Variants in ABCB9 observed in about 807,000 individuals in gnomAD.
ABCB9 encodes ABC-type oligopeptide transporter ABCB9.
In ABCB9, 36 loss-of-function variants were observed where a neutral mutation model predicts 62.0. That is an observed-to-expected ratio of 0.58 (90% confidence interval 0.45 to 0.77). The LOEUF (loss-of-function observed/expected upper bound fraction) is 0.77. Among genes scored for constraint, ABCB9 ranks in the 30% least tolerant of loss-of-function variants. The pLI, the probability that ABCB9 is intolerant of heterozygous loss-of-function variation, is 0.00. For synonymous variants in ABCB9, 435 were observed against 461.4 expected (o/e 0.94, Z 0.73); for missense variants, 943 against 1,054.7 (o/e 0.89, Z 1.47).
rs560930910 is a variant in ABCB9, at chr12:122,973,721, T to C, written c.-88+994A>G. 7.9e-4 allele frequency among the ~76,000 whole-genome samples: 96 copies of C among 122,004 alleles called. 2 individuals carry two copies. In the South Asian group the frequency reaches 0.022, roughly 28 times the overall value. The allele number at this position is 122,004 out of a possible 152,430, so 80.0% of individuals were successfully genotyped here. On this transcript the variant is annotated intron_variant, in intron 1 of 11. Transcript: ENST00000392439. The stretch of plus-strand genomic sequence containing the variant: ...CTAAAAACATAAAAAATTAGCCGGG[T>C]GTGGTGGCGGGCGCCTGTAGTCCCA...
upstream of ABCB9, among the ~76,000 whole-genome samples, chr12:122,967,569 G>C (rs1245842557): frequency 6.6e-6 from 1 of 152,182 alleles, no homozygotes; most frequent in African/African-American, 2.4e-5. Context: ...GCTCACTGCA[G>C]CCTCTGCTTC....
chr12:122,948,791 C>A lies in ABCB9; in HGVS notation c.886G>T (p.Val296Phe). 1 of 1,600,382 alleles carries A rather than the reference C, an allele frequency of 6.2e-7. No individual in the cohort carries two copies. Among genetic ancestry groups the A allele is most frequent in the Non-Finnish European group, 8.5e-7 (1 of 1,172,832 alleles). ...ATGTTCTGGGAGACCAGGTCGCTGA[C>A]CATGGTGGTGTCCGAGGTCAGGCGG... The part of the protein sequence containing the change: ...ISRLTSDTTM[V>F]SDLVSQNINV... Residue 296 changes from valine to phenylalanine, a missense_variant, in exon 5 of 12, where the codon GTC becomes TTC. Coordinates refer to ENST00000280560, the MANE Select transcript of ABCB9 (RefSeq NM_019625.4).
At chr12:122,928,785 T>C (rs1037134269), downstream of ABCB9, among the ~76,000 whole-genome samples, 8 of 151,938 alleles carry the variant, frequency 5.3e-5, no homozygotes, top group Admixed American at 5.3e-4. Flanking sequence ...CCCTGCGCAA[T>C]CCCCGTGGAG....
At chr12:122,943,746 C>T (rs762515562) in intron 7 of ABCB9, among the ~76,000 whole-genome samples, 1 of 150,916 alleles carries the variant, frequency 6.6e-6, no homozygotes, top group Admixed American at 6.6e-5. Context: ...TCTCCTGCCT[C>T]GGCCTCCTGA....
Position 122,940,800 on chromosome 12 carries a change from C to A in ABCB9, c.1569+7G>T. The A allele has an allele frequency of 6.4e-7, 1 of 1,573,636 alleles. No homozygotes were observed. The highest frequency in any genetic ancestry group is 8.7e-7 in the Non-Finnish European group (1 of 1,152,484). On this transcript the variant is annotated splice_region_variant and intron_variant, in intron 8 of 11. Transcript: ENST00000280560. This position sits in a 1 kb window ranked among gnomAD's most constrained non-coding sequence, Gnocchi z 4.8. ...TGATTCTGGCAGGCCTCAAGCCGCG[C>A]CCTCACCTGCAGGACCTGGGTGTGG...
chr12:122,959,733 T>C lies in ABCB9; in HGVS notation c.503A>G (p.Gln168Arg), dbSNP rs1271782356. 2 of 1,611,334 alleles carry C rather than the reference T, an allele frequency of 1.2e-6. No individual in the cohort carries two copies. The highest frequency in any genetic ancestry group is 3.3e-5 in the Admixed American group (2 of 59,926). ...FPGSGRPPPE[Q>R]ASGATLQKLL... Reference sequence around the variant, plus strand: ...CTTCTGCAGCGTGGCCCCAGACGCCTGCTCGGGCGGTGGCCGGCCGCTCCC... The same window carrying C: ...CTTCTGCAGCGTGGCCCCAGACGCCCGCTCGGGCGGTGGCCGGCCGCTCCC... The change falls in exon 2 of 12, where the codon CAG becomes CGG. Residue 168 changes from glutamine (Q) to arginine (R), a missense_variant. Coordinates refer to ENST00000280560, the MANE Select transcript of ABCB9 (RefSeq NM_019625.4). The surrounding 1 kb of genome is among the most constrained non-coding windows in gnomAD (Gnocchi z 5.4).
chr12:122,949,910 G>A lies in ABCB9; in HGVS notation c.725C>T (p.Ala242Val). 1 of 1,614,144 alleles carries A rather than the reference G, an allele frequency of 6.2e-7. No homozygotes were observed. The highest frequency in any genetic ancestry group is 1.3e-5 in the African/African-American group (1 of 75,058). The change falls in exon 4 of 12, where the codon GCC (alanine) becomes GTC (valine). Residue 242 changes from alanine to valine, a missense_variant. By Grantham distance (64) the Ala-to-Val change is moderately conservative. Coordinates refer to ENST00000280560, the MANE Select transcript of ABCB9 (RefSeq NM_019625.4). ...AAAAATGCCGCCCCGAATACCTGCGGCAAATGAGCTAATTGCAGATAAGAG... is the reference window on the plus strand; with the variant it reads ...AAAAATGCCGCCCCGAATACCTGCGACAAATGAGCTAATTGCAGATAAGAG... ...VCLLAIGSSF[A>V]AGIRGGIFTL...
chr12:122,930,099 C>G lies in ABCB9; in HGVS notation c.2113G>C (p.Glu705Gln). ...LIIAHRLSTV[E>Q]HAHLIVVLDK... ...AGCACCACAATGAGGTGCGCGTGCTCCACGGTGCTCAGCCGGTGCGCGATG... is the reference window on the plus strand; with the variant it reads ...AGCACCACAATGAGGTGCGCGTGCTGCACGGTGCTCAGCCGGTGCGCGATG... Residue 705 changes from glutamate to glutamine, a missense_variant, in exon 12 of 12, where the codon GAG becomes CAG. Glu to Gln is a conservative substitution (Grantham distance 29). Coordinates refer to ENST00000280560, the MANE Select transcript of ABCB9 (RefSeq NM_019625.4). The surrounding 1 kb of genome is among the most constrained non-coding windows in gnomAD (Gnocchi z 4.9). 6.4e-7 allele frequency: 1 copy of G among 1,558,072 alleles called. No homozygotes were observed.
chr12:122,929,580 G>C lies in ABCB9; in HGVS notation c.*331C>G. 1 of 1,129,716 alleles carries C rather than the reference G, an allele frequency of 8.9e-7. No homozygotes were observed. Among genetic ancestry groups the C allele is most frequent in the Non-Finnish European group, 1.1e-6 (1 of 923,268 alleles). 70.0% of individuals were successfully genotyped at this position (1,129,716 alleles called of 1,614,324 possible). ...CCGCCATTACTCCCAATTAGAAAAA[G>C]GTTTTTGAAATCTAGGAGTTGACTG... On this transcript the variant is annotated 3_prime_UTR_variant, in exon 12 of 12. Coordinates refer to ENST00000280560, the MANE Select transcript of ABCB9 (RefSeq NM_019625.4). The surrounding 1 kb of genome is among the most constrained non-coding windows in gnomAD (Gnocchi z 6.0).
intron 5 of ABCB9, chr12:122,946,617 C>T (rs2036059013): frequency 8.0e-6 from 2 of 250,980 alleles, no homozygotes; most frequent in South Asian, 1.1e-4. Context: ...TCAGGTTGTA[C>T]ACTATTTAAG....
rs537350347 is a variant in ABCB9, at chr12:122,963,535, G to A, written c.-88+2752C>T. On this transcript the variant is annotated intron_variant, in intron 1 of 11. Coordinates refer to ENST00000280560, the MANE Select transcript of ABCB9 (RefSeq NM_019625.4). The stretch of plus-strand genomic sequence containing the variant: ...ACAGAGAGATTAAGTGACCTGCCCT[G>A]GGTCACAGAGCTAGGTGACCCACAG... Among the ~76,000 whole-genome samples the A allele has an allele frequency of 2.0e-5, 3 of 152,192 alleles. No individual in the cohort carries two copies. The South Asian group carries it at 6.2e-4, about 32-fold the overall frequency.
In ABCB9 at chr12:122,948,109, A is replaced by AT. The variant is rs35960074; in HGVS notation, c.1053+514dup. ...CACCAAGCCCAGCTAACTAAAAAAAATTTTTTTTTGTAGAGATGGGGTCTT... is the reference window on the plus strand; with the variant it reads ...CACCAAGCCCAGCTAACTAAAAAAAATTTTTTTTTTGTAGAGATGGGGTCTT... On this transcript the variant is annotated intron_variant, in intron 5 of 11. Transcript: ENST00000280560. The AT allele has an allele frequency of 6.6e-4, 100 of 151,960 alleles. 1 individual carries two copies. The East Asian group carries it at 0.015, about 23-fold the overall frequency. 9.4% of individuals were successfully genotyped at this position (151,960 alleles called of 1,614,324 possible). A position where few individuals can be genotyped will look rare whatever the true frequency, so the allele number is the denominator to read the frequency against.
chr12:122,963,006 ACCAGGGG>A (rs1391224015), intron 1 of ABCB9, among the ~76,000 whole-genome samples: 1 of 152,194 alleles, frequency 6.6e-6, no homozygotes, highest in Non-Finnish European at 1.5e-5. Flanking sequence ...AGAAAATGCT[ACCAGGGG>A]CCAGGCATGG....
chr12:122,955,348 C>G (rs2036565356), intron 2 of ABCB9, among the ~76,000 whole-genome samples: 3 of 152,352 alleles, frequency 2.0e-5, no homozygotes, highest in South Asian at 2.1e-4. Context: ...GACCACACAG[C>G]AGCTGACGGC....
chr12:122,956,238 T>C (rs2036607011), intron 2 of ABCB9, among the ~76,000 whole-genome samples: 2 of 152,210 alleles, frequency 1.3e-5, no homozygotes, highest in Admixed American at 1.3e-4. Flanking sequence ...GTCTCACCCA[T>C]GTGGATTCAC....
intron 9 of ABCB9, chr12:122,939,367 G>A (rs558293579): frequency 6.6e-6 from 1 of 152,448 alleles, no homozygotes; most frequent in South Asian, 2.1e-4. Flanking sequence ...ATTCTACCCA[G>A]ATGAAGTTCC....
At position 122,929,782 on chromosome 12, in the gene ABCB9, A is replaced by G. The variant is rs142606993; in HGVS notation, c.*129T>C. On this transcript the variant is annotated 3_prime_UTR_variant, in exon 12 of 12. Transcript: ENST00000280560. The surrounding 1 kb of genome is among the most constrained non-coding windows in gnomAD (Gnocchi z 6.0). ...GGCAAGATGCAGGAAGCGGTGATCC[A>G]TGGGACATGGCAGGTCGTCTTTCAG... 1.1e-3 allele frequency: 1,585 copies of G among 1,420,102 alleles called. 11 individuals carry two copies. The African/African-American group carries it at 0.021, about 19-fold the overall frequency. 88.0% of individuals were successfully genotyped at this position (1,420,102 alleles called of 1,614,324 possible).
At position 122,964,957 on chromosome 12, in the gene ABCB9, T is replaced by C. The variant is rs1340086615; in HGVS notation, c.-88+1330A>G. 6.6e-6 allele frequency among the ~76,000 whole-genome samples: 1 copy of C among 152,130 alleles called. No individual in the cohort carries two copies. The highest frequency in any genetic ancestry group is 1.5e-5 in the Non-Finnish European group (1 of 68,024). On this transcript the variant is annotated intron_variant, in intron 1 of 11. Coordinates refer to ENST00000280560, the MANE Select transcript of ABCB9 (RefSeq NM_019625.4). The surrounding 1 kb of genome is among the most constrained non-coding windows in gnomAD (Gnocchi z 4.7). ...AGCTGCAGAGAAGGCCAGAAGACGA[T>C]AGATAGCAGTTATTATGACGCTGCA...
chr12:122,924,099 G>A (rs1424777012), downstream of ABCB9, among the ~76,000 whole-genome samples: 4 of 152,170 alleles, frequency 2.6e-5, no homozygotes, highest in African/African-American at 9.7e-5. Context: ...GCATTGACTT[G>A]GGCTGAGTCT....
Sources: gnomAD v4.1 joint callset for allele counts (sites outside exome capture counted in the v4.1 genomes callset) on GRCh38, gnomAD v4.1.1 for gene constraint, Gnocchi (gnomAD v3.1) non-coding constraint, MANE v1.5 for transcripts, NCBI Gene and HGNC (gene_info 2026-07-23, HGNC 2026-07-21) for gene names.